PDXDC1: variants seen among roughly 807,000 people sequenced by gnomAD.
PDXDC1 encodes the protein pyridoxal-dependent decarboxylase domain-containing protein 1.
In PDXDC1, 42 loss-of-function variants were observed where a neutral mutation model predicts 100.1. That is an observed-to-expected ratio of 0.42 (90% CI 0.33 to 0.54). The LOEUF (loss-of-function observed/expected upper bound fraction) is 0.54. Ranked by LOEUF, PDXDC1 falls within the 20% of genes least tolerant of loss-of-function variation. The pLI, the probability that PDXDC1 is intolerant of heterozygous loss-of-function variation, is 0.10. For missense variants in PDXDC1, 636 were observed against 979.2 expected, an observed-to-expected ratio of 0.65 and a Z score of 4.68; for synonymous variants, 260 against 371.7, an observed-to-expected ratio of 0.70 and a Z score of 3.46.
At chr16:14,980,776 T>A (rs1377533499) in intron 1 of PDXDC1, among the ~76,000 whole-genome samples, 1 of 152,292 alleles carries the variant, frequency 6.6e-6, no homozygotes, top group East Asian at 1.9e-4. Context: ...ATTTTTGTAT[T>A]TTTAATAGAG....
intron 16 of PDXDC1, among the ~76,000 whole-genome samples, chr16:15,122,090 G>A (rs971955836): frequency 1.2e-4 from 18 of 151,212 alleles, no homozygotes; most frequent in Admixed American, 4.0e-4. Context: ...CTTGAACCCC[G>A]GAAGCGGAGG....
chr16:14,976,037 C>T (rs1966786405), intron 1 of PDXDC1, among the ~76,000 whole-genome samples: 10 of 152,424 alleles, frequency 6.6e-5, no homozygotes, highest in Admixed American at 6.5e-5. Context: ...CTTGGGGGAA[C>T]GGCAGCGTGG....
At position 15,121,917 on chromosome 16, in the gene PDXDC1, C is replaced by T. The variant is rs1394473676; in HGVS notation, c.1400-16962C>T. ...CCCAGCACTGGGAGGCCGAGGCAGG[C>T]GGATCACGAGGTCAAGAGATGGAGA... On this transcript the variant is annotated intron_variant, in intron 16 of 16. Coordinates refer to the PDXDC1 transcript ENST00000535621. 85 of 241,142 alleles carry T rather than the reference C, an allele frequency of 3.5e-4. 1 individual carries two copies. The highest frequency in any genetic ancestry group is 2.9e-3 in the South Asian group (77 of 26,686). 14.9% of individuals were successfully genotyped at this position (241,142 alleles called of 1,614,324 possible). A position where few individuals can be genotyped will look rare whatever the true frequency, so the allele number is the denominator to read the frequency against.
intron 16 of PDXDC1, among the ~76,000 whole-genome samples, chr16:15,030,971 G>A (rs1001495476): frequency 6.7e-5 from 10 of 150,008 alleles, no homozygotes; most frequent in Admixed American, 2.0e-4. Context: ...TTTTTTTTTA[G>A]AAACAGGGTC....
the PDXDC1 span, among the ~76,000 whole-genome samples, chr16:15,149,794 T>C: frequency 2.0e-5 from 3 of 151,896 alleles, no homozygotes; most frequent in African/African-American, 4.8e-5. Flanking sequence ...GCACCAGAAG[T>C]GGCCTTTAGA....
chr16:15,026,938 G>A (rs1481140649), intron 14 of PDXDC1, among the ~76,000 whole-genome samples: 1 of 152,296 alleles, frequency 6.6e-6, no homozygotes, highest in Non-Finnish European at 1.5e-5. Flanking sequence ...CTGGACCAGT[G>A]CTGGAATGGC....
chr16:15,002,117 CG>C (rs1973296551), intron 4 of PDXDC1, among the ~76,000 whole-genome samples: 17 of 152,280 alleles, frequency 1.1e-4, no homozygotes. Context: ...GAGTGAGTGT[CG>C]GATGTCTTTC....
At chr16:15,005,517 G>T (rs1299813376) in intron 5 of PDXDC1, among the ~76,000 whole-genome samples, 2 of 152,282 alleles carry the variant, frequency 1.3e-5, no homozygotes, top group African/African-American at 4.8e-5. Context: ...TATCTTGAGA[G>T]ACCCTGACTT....
intron 12 of PDXDC1, among the ~76,000 whole-genome samples, chr16:15,022,467 A>G (rs562132811): frequency 6.6e-6 from 1 of 152,416 alleles, no homozygotes; most frequent in Non-Finnish European, 1.5e-5. Flanking sequence ...CAAATACAAC[A>G]GATTTCCATG....
intron 1 of PDXDC1, chr16:14,975,559 C>A (rs1489707039): frequency 1.0e-6 from 1 of 985,336 alleles, no homozygotes; most frequent in Non-Finnish European, 1.2e-6. Context: ...TTCGGAGGAC[C>A]GGGAGCTCTC....
intron 16 of PDXDC1, chr16:15,061,118 T>C (rs1299776746): frequency 2.0e-5 from 3 of 152,260 alleles, no homozygotes; most frequent in Non-Finnish European, 4.4e-5. Flanking sequence ...CTTTTATTGG[T>C]CTCTGAAGTC....
intron 15 of PDXDC1, chr16:15,029,745 A>AT: frequency 1.7e-6 from 1 of 572,362 alleles, no homozygotes; most frequent in Non-Finnish European, 3.1e-6. Flanking sequence ...TATTTCCTAA[A>AT]TTTTTCTACA....
chr16:15,010,818 G>T (rs180786063), intron 8 of PDXDC1, among the ~76,000 whole-genome samples: 3 of 152,400 alleles, frequency 2.0e-5, no homozygotes, highest in African/African-American at 4.8e-5. Flanking sequence ...ATTGGAAATT[G>T]AATTTTAAAT....
intron 12 of PDXDC1, 86 bp from the exon 13 acceptor site, chr16:15,022,618 C>G: frequency 7.5e-7 from 1 of 1,327,952 alleles, no homozygotes; most frequent in Non-Finnish European, 1.1e-6. Flanking sequence ...CATCCGTGTT[C>G]ACAGACCTCC....
Position 15,031,873 on chromosome 16 carries a change from A to T in PDXDC1, c.1538A>T (p.Asp513Val). The T allele has an allele frequency of 6.2e-7, 1 of 1,613,510 alleles. No individual in the cohort carries two copies. Among genetic ancestry groups the T allele is most frequent in the East Asian group, 2.2e-5 (1 of 44,864 alleles). The change falls in exon 17 of 23, where the codon GAT (aspartate) becomes GTT (valine). Residue 513 changes from aspartate to valine, a missense_variant. Asp to Val is a radical substitution (Grantham distance 152). Coordinates refer to ENST00000396410, the MANE Select transcript of PDXDC1 (RefSeq NM_015027.4). ...VEATAGLLYV[D>V]DPNWSGIGVV... Reference sequence around the variant, plus strand: ...GCAACAGCAGGTCTCCTATATGTTGATGACCCTAACTGGTCTGGAATAGGG... The same window carrying T: ...GCAACAGCAGGTCTCCTATATGTTGTTGACCCTAACTGGTCTGGAATAGGG...
chr16:15,003,840 C>T (rs1212764598), intron 4 of PDXDC1, among the ~76,000 whole-genome samples: 18 of 152,302 alleles, frequency 1.2e-4, no homozygotes, highest in African/African-American at 2.9e-4. Flanking sequence ...AAAAATTAGC[C>T]GGGCTTGGTG....
At chr16:14,994,086 G>T (rs1269475554) in intron 1 of PDXDC1, among the ~76,000 whole-genome samples, 1 of 152,292 alleles carries the variant, frequency 6.6e-6, no homozygotes, top group Admixed American at 6.5e-5. Flanking sequence ...CCATTCTGTA[G>T]ATTGCCTGTT....
At chr16:15,132,525 A>G (rs1261987098) in intron 16 of PDXDC1, among the ~76,000 whole-genome samples, 2 of 150,018 alleles carry the variant, frequency 1.3e-5, no homozygotes, top group Non-Finnish European at 3.0e-5. Flanking sequence ...GTCCCCCGAG[A>G]GGCACCCTGC....
chr16:15,068,165 T>G (rs759068836), intron 16 of PDXDC1: 2 of 1,550,014 alleles, frequency 1.3e-6, no homozygotes, highest in East Asian at 4.6e-5. Context: ...CGTAAATAAC[T>G]TACTTTGTGA....
Sources: allele counts gnomAD v4.1 joint callset (sites outside exome capture counted in the v4.1 genomes callset), GRCh38; gene constraint gnomAD v4.1.1; transcripts MANE v1.5; gene names NCBI Gene and HGNC (gene_info 2026-07-23, HGNC 2026-07-21).